EXOSC8: variants seen among roughly 807,000 people sequenced by gnomAD.
EXOSC8 encodes the protein exosome complex component RRP43.
In EXOSC8, 37 loss-of-function variants were observed where a neutral mutation model predicts 39.9. That is an observed-to-expected ratio of 0.93 (90% confidence interval 0.71 to 1.22). The LOEUF (loss-of-function observed/expected upper bound fraction) is 1.22, where lower values mean the gene tolerates loss of function less well. Ranked by LOEUF, EXOSC8 falls within the 50% of genes most tolerant of loss-of-function variation. The probability of loss-of-function intolerance (pLI) is 0.00; values close to 1 mark genes in which losing one functional copy is unlikely to be tolerated. For missense variants in EXOSC8, 313 were observed against 326.6 expected (o/e 0.96, Z 0.32); for synonymous variants, 93 against 109.5 (o/e 0.85, Z 0.94).
Position 37,008,809 on chromosome 13 carries a change from G to A in EXOSC8, c.689G>A (p.Gly230Asp), listed in dbSNP as rs764043410. The change falls in exon 10 of 11, where the codon GGC (glycine) becomes GAC (aspartate). Residue 230 changes from glycine (G) to aspartate (D), a missense_variant. Transcript: ENST00000389704. Reference sequence around the variant, plus strand: ...TTAACAATAGTAATGGATGAGGAAGGCAAACTCTGTTGTCTTCACAAACCA... The same window carrying A: ...TTAACAATAGTAATGGATGAGGAAGACAAACTCTGTTGTCTTCACAAACCA... Reference protein sequence around the residue: ...GTLTIVMDEEGKLCCLHKPGG... With the variant: ...GTLTIVMDEEDKLCCLHKPGG... 6.2e-7 allele frequency: 1 copy of A among 1,610,528 alleles called. No individual in the cohort carries two copies. Among genetic ancestry groups the A allele is most frequent in the Non-Finnish European group, 8.5e-7 (1 of 1,177,084 alleles).
intron 7 of EXOSC8, 43 bp from the exon 8 acceptor site, chr13:37,006,932 A>G (rs1224961476): frequency 8.2e-7 from 1 of 1,215,294 alleles, no homozygotes; most frequent in South Asian, 1.2e-5. Flanking sequence ...TGTTCTACCC[A>G]TTAGAAGACT....
intron 9 of EXOSC8, 106 bp downstream of exon 9, chr13:37,008,283 G>C (rs1442663530): frequency 2.2e-6 from 2 of 899,080 alleles, no homozygotes; most frequent in East Asian, 4.9e-5. Flanking sequence ...CTACATCCTA[G>C]TTTTCCCTGG....
At chr13:37,009,146 T>C in intron 10 of EXOSC8, 38 bp from the exon 11 acceptor site, 2 of 1,299,450 alleles carry the variant, frequency 1.5e-6, no homozygotes, top group Non-Finnish European at 2.2e-6. Flanking sequence ...AAAGGAATGA[T>C]AACTGAGATT....
chr13:37,002,292 T>TTA lies in EXOSC8; in HGVS notation c.37_38insTA (p.Tyr13LeufsTer7). 6.2e-7 allele frequency: 1 copy of TTA among 1,609,674 alleles called. No homozygotes were observed. On this transcript the variant is annotated frameshift_variant, in exon 2 of 11. Transcript: ENST00000389704. LOFTEE classifies it high-confidence loss of function. ...TTTCAGAACCGTGGAACCTCTGGAG[T>TTA]ATTACAGGAGATTTCTGGTGAGTAA...
Position 37,008,780 on chromosome 13 carries a change from A to G in EXOSC8, c.660A>G (p.Gly220=). The part of the protein sequence containing the change: ...PTGEEEHLAT[G]TLTIVMDEEG... The stretch of plus-strand genomic sequence containing the variant: ...GAGAGGAGGAACATCTGGCAACAGG[A>G]ACCTTAACAATAGTAATGGATGAGG... The change falls in exon 10 of 11, where the codon GGA becomes GGG. Residue 220 remains glycine (G), a synonymous_variant. Transcript: ENST00000389704. 1 of 1,613,848 alleles carries G rather than the reference A, an allele frequency of 6.2e-7. No homozygotes were observed. The highest frequency in any genetic ancestry group is 8.5e-7 in the Non-Finnish European group (1 of 1,179,742).
chr13:37,008,826 C>T lies in EXOSC8; in HGVS notation c.706C>T (p.His236Tyr). ...TGAGGAAGGCAAACTCTGTTGTCTT[C>T]ACAAACCAGGCATGTTCCCGCCACT... ...MDEEGKLCCL[H>Y]KPGGSGLTGA... The change falls in exon 10 of 11, where the codon CAC becomes TAC. Residue 236 changes from histidine to tyrosine, a missense_variant. Transcript: ENST00000389704. 1 of 1,597,986 alleles carries T rather than the reference C, an allele frequency of 6.3e-7. No individual in the cohort carries two copies. The highest frequency in any genetic ancestry group is 1.1e-5 in the South Asian group (1 of 90,092).
intron 3 of EXOSC8, 151 bp downstream of exon 3, chr13:37,002,702 T>A: frequency 1.5e-6 from 1 of 664,446 alleles, no homozygotes; most frequent in Non-Finnish European, 2.6e-6. Flanking sequence ...GCCCTGTAAC[T>A]AAATGAAAAA....
At position 37,005,450 on chromosome 13, in the gene EXOSC8, TAG is replaced by T. The variant is rs1034623138; in HGVS notation, c.239-464_239-463del. 3.3e-5 allele frequency among the ~76,000 whole-genome samples: 5 copies of T among 152,224 alleles called. No individual in the cohort carries two copies. The South Asian group carries it at 8.3e-4, about 25-fold the overall frequency. Reference sequence around the variant, plus strand: ...ATAGAAATTTCATGGCTGGGAGTCTTAGAGAGACCAAACAGAATATAACTATA... The same window carrying T: ...ATAGAAATTTCATGGCTGGGAGTCTTAGAGACCAAACAGAATATAACTATA... On this transcript the variant is annotated intron_variant, in intron 5 of 10. Transcript: ENST00000389704.
At chr13:37,005,440 C>T (rs1229050626) in intron 5 of EXOSC8, among the ~76,000 whole-genome samples, 1 of 152,012 alleles carries the variant, frequency 6.6e-6, no homozygotes, top group African/African-American at 2.4e-5. Context: ...AATTTCATGG[C>T]TGGGAGTCTT....
chr13:37,006,489 TG>T (rs2059140028), intron 7 of EXOSC8, among the ~76,000 whole-genome samples: 1 of 152,228 alleles, frequency 6.6e-6, no homozygotes, highest in Non-Finnish European at 1.5e-5. Context: ...CATATGTTTA[TG>T]GTGAATCCAC....
intron 4 of EXOSC8, 176 bp downstream of exon 4, chr13:37,003,183 C>CT: frequency 3.9e-6 from 2 of 512,652 alleles, no homozygotes; most frequent in Non-Finnish European, 6.9e-6. Flanking sequence ...AGTTTAATGA[C>CT]TAAGTGAACA....
At chr13:37,005,729 T>A (rs548497113) in intron 5 of EXOSC8, among the ~76,000 whole-genome samples, 191 bp from the exon 6 acceptor site, 2 of 152,026 alleles carry the variant, frequency 1.3e-5, no homozygotes, top group South Asian at 4.2e-4. Context: ...CCGGGCGTGG[T>A]GGCGTGTGCC....
At chr13:37,004,806 A>C (rs1293505570) in intron 5 of EXOSC8, among the ~76,000 whole-genome samples, 1 of 152,216 alleles carries the variant, frequency 6.6e-6, no homozygotes, top group Non-Finnish European at 1.5e-5. Flanking sequence ...ATACATTCAT[A>C]AGTTACTAAC....
At chr13:37,007,649 T>C (rs1213950453) in intron 8 of EXOSC8, among the ~76,000 whole-genome samples, 3 of 152,172 alleles carry the variant, frequency 2.0e-5, no homozygotes, top group Non-Finnish European at 2.9e-5. Flanking sequence ...CAAAATATTA[T>C]AATAGACTGG....
In EXOSC8 at chr13:37,008,051, T is replaced by TA; in HGVS notation, c.488-6_488-5insA. ...TTACTTACTTTACAAATTTGCCTTT[T>TA]CTTAGTACAGTTGCCTGAAGTTACT... On this transcript the variant is annotated splice_region_variant and splice_polypyrimidine_tract_variant and intron_variant, in intron 8 of 10. Transcript: ENST00000389704. 1 of 1,584,466 alleles carries TA rather than the reference T, an allele frequency of 6.3e-7. No homozygotes were observed. The highest frequency in any genetic ancestry group is 1.1e-5 in the South Asian group (1 of 87,264).
intron 3 of EXOSC8, 51 bp downstream of exon 3, chr13:37,002,602 C>G: frequency 1.6e-6 from 2 of 1,238,722 alleles, no homozygotes; most frequent in Non-Finnish European, 2.3e-6. Context: ...AAGTTTTAGT[C>G]TATGAACCAG....
At chr13:37,002,104 C>T (rs1352360008) in intron 1 of EXOSC8, among the ~76,000 whole-genome samples, 169 bp from the exon 2 acceptor site, 1 of 152,094 alleles carries the variant, frequency 6.6e-6, no homozygotes. Flanking sequence ...TTAAGGACAG[C>T]AATTGAATGT....
At chr13:37,005,237 T>C (rs1337862116) in intron 5 of EXOSC8, among the ~76,000 whole-genome samples, 2 of 152,190 alleles carry the variant, frequency 1.3e-5, no homozygotes, top group Non-Finnish European at 2.9e-5. Flanking sequence ...GAACCATCTG[T>C]TCTTTATGGT....
At chr13:37,007,780 A>G (rs943274733) in intron 8 of EXOSC8, among the ~76,000 whole-genome samples, 1 of 152,178 alleles carries the variant, frequency 6.6e-6, no homozygotes, top group Admixed American at 6.5e-5. Context: ...AAATATGAAA[A>G]TGCTTAAAAC....
Sources: gnomAD v4.1 joint callset for allele counts (sites outside exome capture counted in the v4.1 genomes callset) on GRCh38, gnomAD v4.1.1 for gene constraint, MANE v1.5 for transcripts, NCBI Gene and HGNC (gene_info 2026-07-23, HGNC 2026-07-21) for gene names.